SUSD3: variants seen among roughly 807,000 people sequenced by gnomAD.
The protein encoded by SUSD3 is sushi domain containing 3, also known as sushi domain-containing protein 3.
In SUSD3, 18 loss-of-function variants were observed where a neutral mutation model predicts 20.6. That is an observed-to-expected ratio of 0.87 (90% CI 0.60 to 1.30). The LOEUF (loss-of-function observed/expected upper bound fraction) is 1.30, where lower values mean the gene tolerates loss of function less well. SUSD3 is among the 50% of genes most tolerant of loss of function. SUSD3 has a pLI of 0.00. For missense variants in SUSD3, 306 were observed against 346.9 expected, an observed-to-expected ratio of 0.88 and a Z score of 0.94; for synonymous variants, 137 against 141.5, an observed-to-expected ratio of 0.97 and a Z score of 0.23.
At chr9:93,080,336 AAAAAC>A (rs1007496633) in intron 4 of SUSD3, among the ~76,000 whole-genome samples, 1 of 151,506 alleles carries the variant, frequency 6.6e-6, no homozygotes, top group East Asian at 1.9e-4. Flanking sequence ...AAAAAAAAAA[AAAAAC>A]AAAACTAACA....
intron 1 of SUSD3, among the ~76,000 whole-genome samples, chr9:93,071,968 TC>T (rs1825928024): frequency 6.6e-6 from 1 of 152,080 alleles, no homozygotes; most frequent in Non-Finnish European, 1.5e-5. Context: ...CTCAGTTCCA[TC>T]CCTACCACCT....
At chr9:93,079,030 C>T (rs980702810) in intron 3 of SUSD3, among the ~76,000 whole-genome samples, 2 of 152,058 alleles carry the variant, frequency 1.3e-5, no homozygotes, top group African/African-American at 4.8e-5. Flanking sequence ...TCTCGAGCTC[C>T]TGACCTCATG....
chr9:93,060,241 G>A (rs992008007), intron 1 of SUSD3, among the ~76,000 whole-genome samples: 2 of 152,170 alleles, frequency 1.3e-5, no homozygotes, highest in African/African-American at 4.8e-5. Context: ...CCACTTCCCA[G>A]GCACTGGCCC....
intron 1 of SUSD3, among the ~76,000 whole-genome samples, chr9:93,061,859 G>GCCT: frequency 6.6e-6 from 1 of 152,204 alleles, no homozygotes; most frequent in East Asian, 1.9e-4. Flanking sequence ...ATCGAGTCTA[G>GCCT]GTGAGACTGG....
chr9:93,078,038 T>A (rs753882743), intron 3 of SUSD3, 45 bp downstream of exon 3: 1 of 1,613,066 alleles, frequency 6.2e-7, no homozygotes, highest in Non-Finnish European at 8.5e-7. Flanking sequence ...GAGGCGCCTC[T>A]TGGCACCATG....
intron 4 of SUSD3, among the ~76,000 whole-genome samples, chr9:93,084,282 G>T (rs1053968913): frequency 6.6e-6 from 1 of 152,106 alleles, no homozygotes; most frequent in Non-Finnish European, 1.5e-5. Flanking sequence ...GGGGGCAAGT[G>T]TCTGACTCCT....
intron 1 of SUSD3, among the ~76,000 whole-genome samples, chr9:93,061,840 C>G (rs535446115): frequency 6.6e-6 from 1 of 152,360 alleles, no homozygotes; most frequent in African/African-American, 2.4e-5. Flanking sequence ...GACTCACTGG[C>G]AGGTGGGGAT....
Position 93,075,874 on chromosome 9 carries a change from G to A in SUSD3, c.179G>A (p.Arg60His), listed in dbSNP as rs201944177. Residue 60 changes from arginine to histidine, a missense_variant, in exon 2 of 5, where the codon CGC (arginine) becomes CAC (histidine). Transcript: ENST00000375472. ...TCCGTGGGGACCGTGCTCATGTTCCGCTGCCCCTCCAACCACCAGATGGTG... is the reference window on the plus strand; with the variant it reads ...TCCGTGGGGACCGTGCTCATGTTCCACTGCCCCTCCAACCACCAGATGGTG... ...GASVGTVLMF[R>H]CPSNHQMVGS... 31 of 1,613,680 alleles carry A rather than the reference G, an allele frequency of 1.9e-5. No individual in the cohort carries two copies. In the Admixed American group the frequency reaches 3.2e-4, roughly 16 times the overall value.
chr9:93,070,130 A>G (rs1164137423), intron 1 of SUSD3, among the ~76,000 whole-genome samples: 1 of 152,122 alleles, frequency 6.6e-6, no homozygotes, highest in African/African-American at 2.4e-5. Context: ...GATTTTTGTC[A>G]TTGGCTTATT....
intron 1 of SUSD3, among the ~76,000 whole-genome samples, chr9:93,072,127 C>A (rs956057343): frequency 6.6e-6 from 1 of 152,022 alleles, no homozygotes; most frequent in Non-Finnish European, 1.5e-5. Flanking sequence ...TTAGATCAGT[C>A]CCTCCCCCAT....
intron 1 of SUSD3, among the ~76,000 whole-genome samples, chr9:93,065,563 TG>T (rs375193263): frequency 6.6e-6 from 1 of 152,218 alleles, no homozygotes; most frequent in Non-Finnish European, 1.5e-5. Flanking sequence ...AATTAAGGAC[TG>T]GGAAGTGTTG....
At chr9:93,073,523 C>T (rs1347656810) in intron 1 of SUSD3, among the ~76,000 whole-genome samples, 4 of 152,318 alleles carry the variant, frequency 2.6e-5, no homozygotes, top group Admixed American at 6.5e-5. Flanking sequence ...GCTGGGATTA[C>T]AGGCGTGAGC....
At chr9:93,067,177 T>G (rs988285329) in intron 1 of SUSD3, among the ~76,000 whole-genome samples, 1 of 152,254 alleles carries the variant, frequency 6.6e-6, no homozygotes, top group African/African-American at 2.4e-5. Flanking sequence ...TCATATGACA[T>G]GTGACCTTTT....
At chr9:93,072,885 G>A (rs1461604942) in intron 1 of SUSD3, among the ~76,000 whole-genome samples, 1 of 152,172 alleles carries the variant, frequency 6.6e-6, no homozygotes, top group East Asian at 1.9e-4. Flanking sequence ...AAAGTTATAA[G>A]AGGAGAAGCT....
At chr9:93,075,744 C>CCCG (rs1826120734) in intron 1 of SUSD3, 40 bp from the exon 2 acceptor site, 1 of 175,196 alleles carries the variant, frequency 5.7e-6, no homozygotes, top group African/African-American at 3.4e-5. Flanking sequence ...GTGCCCACCC[C>CCCG]CCCCCCCCCG....
intron 1 of SUSD3, among the ~76,000 whole-genome samples, chr9:93,061,255 A>G (rs568436527): frequency 6.7e-4 from 102 of 152,258 alleles, no homozygotes; most frequent in Non-Finnish European, 1.2e-3. Context: ...TCTTGGCTTC[A>G]CCCCTGAACT....
chr9:93,074,085 TGTC>T lies in SUSD3; in HGVS notation c.89-1696_89-1694del, dbSNP rs1240990412. ...CAGTAATCTTCTCAGTCCCAGCTGT[TGTC>T]GTTATAATTTTATAAAAATTCTTGA... On this transcript the variant is annotated intron_variant, in intron 1 of 4. Coordinates refer to ENST00000375472, the MANE Select transcript of SUSD3 (RefSeq NM_145006.4). Among the ~76,000 whole-genome samples the T allele has an allele frequency of 4.6e-5, 7 of 152,266 alleles. No homozygotes were observed. In the East Asian group the frequency reaches 1.4e-3, roughly 29 times the overall value.
At chr9:93,066,216 C>G (rs1825704631) in intron 1 of SUSD3, among the ~76,000 whole-genome samples, 1 of 151,700 alleles carries the variant, frequency 6.6e-6, no homozygotes, top group Non-Finnish European at 1.5e-5. Context: ...AGATAAGAAG[C>G]AAAAAAAGTA....
At chr9:93,067,113 A>G (rs1437713058) in intron 1 of SUSD3, among the ~76,000 whole-genome samples, 1 of 152,158 alleles carries the variant, frequency 6.6e-6, no homozygotes, top group Non-Finnish European at 1.5e-5. Context: ...GACAGCCACT[A>G]ATCTGCTTTC....
Sources: gnomAD v4.1 joint callset for allele counts (sites outside exome capture counted in the v4.1 genomes callset) on GRCh38, gnomAD v4.1.1 for gene constraint, MANE v1.5 for transcripts, NCBI Gene and HGNC (gene_info 2026-07-23, HGNC 2026-07-21) for gene names.